Variants in THOC5 observed in about 807,000 individuals in gnomAD.
THOC5 encodes the protein Fms-interacting protein.
A neutral mutation model predicts 92.9 loss-of-function variants in THOC5; 43 were observed. The ratio of observed to expected loss-of-function variants is 0.46; its 90% CI spans 0.36 to 0.60. THOC5 has a LOEUF of 0.60. Among genes scored for constraint, THOC5 ranks in the 20% least tolerant of loss-of-function variants. THOC5 has a pLI of 0.00. For synonymous variants in THOC5, 296 were observed against 320.1 expected, an observed-to-expected ratio of 0.92 and a Z score of 0.80; for missense variants, 659 against 849.4, an observed-to-expected ratio of 0.78 and a Z score of 2.79.
intron 12 of THOC5, among the ~76,000 whole-genome samples, chr22:29,523,985 G>A (rs1004220458): frequency 7.2e-5 from 11 of 152,300 alleles, no homozygotes; most frequent in South Asian, 2.1e-4. Context: ...CCAGAGTCTC[G>A]GGCTTTAGGT....
At chr22:29,528,717 G>A (rs1332926049) in intron 9 of THOC5, among the ~76,000 whole-genome samples, 1 of 152,118 alleles carries the variant, frequency 6.6e-6, no homozygotes, top group East Asian at 1.9e-4. Context: ...TGGAACACAA[G>A]CCCCTCCTTG....
chr22:29,527,665 C>A (rs1481315518), intron 11 of THOC5, among the ~76,000 whole-genome samples: 1 of 152,158 alleles, frequency 6.6e-6, no homozygotes, highest in African/African-American at 2.4e-5. Context: ...ACTGTTAGCT[C>A]TTCTACTGCT....
chr22:29,526,271 A>G (rs568653594), intron 11 of THOC5, among the ~76,000 whole-genome samples: 12 of 152,312 alleles, frequency 7.9e-5, no homozygotes, highest in Admixed American at 3.9e-4. Flanking sequence ...GGTGGCTCAC[A>G]CCTGTAATCC....
chr22:29,514,386 A>C (rs2063291511), intron 17 of THOC5, among the ~76,000 whole-genome samples: 2 of 138,556 alleles, frequency 1.4e-5, no homozygotes, highest in South Asian at 4.5e-4. Context: ...GCGCCATCTC[A>C]GCTCACTGCA....
At chr22:29,543,626 T>G (rs1325702665) in intron 3 of THOC5, 84 bp from the exon 4 acceptor site, 1 of 986,722 alleles carries the variant, frequency 1.0e-6, no homozygotes, top group Non-Finnish European at 1.5e-6. Flanking sequence ...CCCATCCTCA[T>G]CTGGGGCCAA....
chr22:29,526,049 CTAACTACTAGG>C (rs1003287540), intron 11 of THOC5, 103 bp from the exon 12 acceptor site: 10 of 705,540 alleles, frequency 1.4e-5, no homozygotes, highest in South Asian at 3.2e-5. Flanking sequence ...TGTTGAAAAA[CTAACTACTAGG>C]TATTATGCCC....
chr22:29,547,840 A>G (rs1213905665), intron 2 of THOC5, among the ~76,000 whole-genome samples: 2 of 152,216 alleles, frequency 1.3e-5, no homozygotes, highest in African/African-American at 2.4e-5. Flanking sequence ...CTCTACTGGT[A>G]TGAATTTACT....
chr22:29,516,151 A>G (rs2063328561), intron 17 of THOC5, among the ~76,000 whole-genome samples: 1 of 151,652 alleles, frequency 6.6e-6, no homozygotes, highest in South Asian at 2.1e-4. Flanking sequence ...TCTACTGAAA[A>G]AAAAAAAAAA....
At chr22:29,517,417 G>A in intron 15 of THOC5, 51 bp from the exon 16 acceptor site, 1 of 1,522,296 alleles carries the variant, frequency 6.6e-7, no homozygotes, top group Non-Finnish European at 9.1e-7. Flanking sequence ...AGGTGCCACA[G>A]ATGGGTAACT....
intron 8 of THOC5, among the ~76,000 whole-genome samples, chr22:29,530,641 C>G (rs1179496089): frequency 6.6e-6 from 1 of 152,118 alleles, no homozygotes; most frequent in Non-Finnish European, 1.5e-5. Context: ...GGCTGATAAA[C>G]CAGGATTCAA....
Position 29,520,115 on chromosome 22 carries a change from G to T in THOC5, c.1278-11C>A, listed in dbSNP as rs948448652. ...CTCAAAGTCAGGATGCTGCAGAAAA[G>T]AAGATAAATAAAATTGTGCTGTAAG... On this transcript the variant is annotated splice_polypyrimidine_tract_variant and intron_variant, in intron 13 of 19. Coordinates refer to ENST00000490103, the MANE Select transcript of THOC5 (RefSeq NM_003678.5). 2 of 1,611,676 alleles carry T rather than the reference G, an allele frequency of 1.2e-6. No individual in the cohort carries two copies. The highest frequency in any genetic ancestry group is 8.5e-7 in the Non-Finnish European group (1 of 1,178,368).
chr22:29,532,857 A>G (rs2063684010), intron 7 of THOC5, among the ~76,000 whole-genome samples: 1 of 151,978 alleles, frequency 6.6e-6, no homozygotes, highest in Non-Finnish European at 1.5e-5. Flanking sequence ...ACGCACCTGT[A>G]ATCCCAGCTA....
In THOC5 at chr22:29,512,017, T is replaced by G. The variant is rs754124874; in HGVS notation, c.1797+4A>C. 4 of 1,613,356 alleles carry G rather than the reference T, an allele frequency of 2.5e-6. No homozygotes were observed. The highest frequency in any genetic ancestry group is 3.4e-6 in the Non-Finnish European group (4 of 1,179,550). On this transcript the variant is annotated splice_donor_region_variant and intron_variant, in intron 18 of 19. Transcript: ENST00000490103. ...TCCTCCTGTCATCCCCAGCTGGGTC[T>G]TACCCGAATGTTGTCATCGTTGCTG...
Position 29,543,475 on chromosome 22 carries a change from C to T in THOC5, c.308G>A (p.Arg103Gln), listed in dbSNP as rs1316661059. ...TTTCTTCAACCTGATGTGGGCTAAT[C>T]GGTTAAGCTTCTTTAGAGTCATGAA... ...VHFMTLKKLNRLAHIRLKKGR... is the reference protein window; with the variant it reads ...VHFMTLKKLNQLAHIRLKKGR... The change falls in exon 4 of 20, where the codon CGA becomes CAA. Residue 103 changes from arginine to glutamine, a missense_variant. Physicochemically the swap from Arg to Gln is conservative, Grantham distance 43. Coordinates refer to ENST00000490103, the MANE Select transcript of THOC5 (RefSeq NM_003678.5). 2.5e-6 allele frequency: 4 copies of T among 1,613,428 alleles called. No individual in the cohort carries two copies. The highest frequency in any genetic ancestry group is 2.2e-5 in the East Asian group (1 of 44,876).
chr22:29,530,011 C>T (rs1569221151), intron 8 of THOC5, among the ~76,000 whole-genome samples: 1 of 151,762 alleles, frequency 6.6e-6, no homozygotes, highest in African/African-American at 2.4e-5. Context: ...TGTGTGGTGG[C>T]ATGTGCCTGT....
chr22:29,517,912 G>A (rs1231301524), intron 15 of THOC5, among the ~76,000 whole-genome samples: 1 of 152,232 alleles, frequency 6.6e-6, no homozygotes, highest in Non-Finnish European at 1.5e-5. Context: ...AGCACGGCCC[G>A]ATGGACAAAC....
chr22:29,534,388 T>C (rs1456913648), intron 7 of THOC5: 5 of 152,184 alleles, frequency 3.3e-5, no homozygotes, highest in African/African-American at 9.6e-5. Flanking sequence ...TGAATATTCA[T>C]TGAGCCATAC....
chr22:29,538,827 A>AAC (rs58996343), intron 6 of THOC5, among the ~76,000 whole-genome samples: 4 of 143,894 alleles, frequency 2.8e-5, no homozygotes, highest in African/African-American at 1.0e-4. Context: ...AAAAAAAAAA[A>AAC]GGGCCAGGCA....
chr22:29,542,998 G>C (rs367593892), intron 4 of THOC5, 42 bp from the exon 5 acceptor site: 198 of 1,466,416 alleles, frequency 1.4e-4, no homozygotes, highest in Non-Finnish European at 7.4e-5. Flanking sequence ...GGCAAGTCAG[G>C]ATGGAGCAGA....
Sources: gnomAD v4.1 joint callset for allele counts (sites outside exome capture counted in the v4.1 genomes callset) on GRCh38, gnomAD v4.1.1 for gene constraint, MANE v1.5 for transcripts, NCBI Gene and HGNC (gene_info 2026-07-23, HGNC 2026-07-21) for gene names.